SLC25A26: variants seen among roughly 807,000 people sequenced by gnomAD.
SLC25A26 encodes the protein solute carrier family 25 member 26, also known as mitochondrial S-adenosylmethionine carrier protein.
In SLC25A26, 36 loss-of-function variants were observed where a neutral mutation model predicts 37.8. That is an observed-to-expected ratio of 0.95 (90% CI 0.73 to 1.26). SLC25A26 has a LOEUF of 1.26. Ranked by LOEUF, SLC25A26 falls within the 50% of genes most tolerant of loss-of-function variation. The pLI, the probability that SLC25A26 is intolerant of heterozygous loss-of-function variation, is 0.00. For missense variants in SLC25A26, 390 were observed against 331.1 expected (o/e 1.18, Z -1.38); for synonymous variants, 129 against 122.5 (o/e 1.05, Z -0.35).
At chr3:66,308,520 C>G (rs970977521) in intron 5 of SLC25A26, among the ~76,000 whole-genome samples, 1 of 152,176 alleles carries the variant, frequency 6.6e-6, no homozygotes, top group Non-Finnish European at 1.5e-5. Context: ...TTGCCCTGGC[C>G]ATAACTTCCA....
chr3:66,315,172 G>T (rs538483313), intron 5 of SLC25A26, among the ~76,000 whole-genome samples: 1 of 149,588 alleles, frequency 6.7e-6, no homozygotes, highest in African/African-American at 2.5e-5. Flanking sequence ...TAGCTTTGGG[G>T]TTTGTTTACT....
At chr3:66,355,191 T>A (rs909407894) in intron 6 of SLC25A26, among the ~76,000 whole-genome samples, 3 of 152,150 alleles carry the variant, frequency 2.0e-5, no homozygotes, top group Non-Finnish European at 4.4e-5. Context: ...TTGCTTTTGC[T>A]TAAGAATAAT....
chr3:66,309,683 C>G (rs2075322973), intron 5 of SLC25A26, among the ~76,000 whole-genome samples: 1 of 152,154 alleles, frequency 6.6e-6, no homozygotes, highest in Non-Finnish European at 1.5e-5. Context: ...AAATGTGTCC[C>G]AGAGATTCTG....
chr3:66,377,755 C>T lies in SLC25A26; in HGVS notation c.773C>T (p.Ala258Val), dbSNP rs1042694823. Residue 258 changes from alanine to valine, a missense_variant, in exon 10 of 10, where the codon GCT (alanine) becomes GTT (valine). Physicochemically the swap from Ala to Val is moderately conservative, Grantham distance 64. Transcript: ENST00000354883. ...ISLGGFIFLG[A>V]YDRTHSLLLE... ...CTGGGAGGTTTCATCTTTCTGGGGG[C>T]TTATGACCGAACGCACAGCTTGCTG... The T allele has an allele frequency of 1.2e-6, 2 of 1,613,878 alleles. No individual in the cohort carries two copies. Among genetic ancestry groups the T allele is most frequent in the Non-Finnish European group, 1.7e-6 (2 of 1,179,862 alleles).
intron 5 of SLC25A26, among the ~76,000 whole-genome samples, chr3:66,266,996 C>T (rs1168921711): frequency 6.6e-6 from 1 of 152,148 alleles, no homozygotes; most frequent in African/African-American, 2.4e-5. Flanking sequence ...TGTCTTTTGT[C>T]CACAAATTTC....
chr3:66,232,038 T>A (rs2072058120), intron 1 of SLC25A26, among the ~76,000 whole-genome samples: 1 of 152,230 alleles, frequency 6.6e-6, no homozygotes, highest in Non-Finnish European at 1.5e-5. Context: ...TTTTCAATTT[T>A]TTATTATTAC....
intron 5 of SLC25A26, among the ~76,000 whole-genome samples, chr3:66,278,129 A>G (rs2074218178): frequency 6.6e-6 from 1 of 152,162 alleles, no homozygotes; most frequent in Non-Finnish European, 1.5e-5. Context: ...ACTGTAGTTA[A>G]TTTATTAACA....
chr3:66,193,708 C>G (rs1479587381), intron 1 of SLC25A26, among the ~76,000 whole-genome samples: 2 of 151,876 alleles, frequency 1.3e-5, no homozygotes, highest in African/African-American at 2.4e-5. Context: ...CTTTTAGATG[C>G]TTTGCTATTA....
intron 1 of SLC25A26, among the ~76,000 whole-genome samples, chr3:66,137,440 A>G (rs1337606709): frequency 6.6e-6 from 1 of 151,884 alleles, no homozygotes; most frequent in East Asian, 1.9e-4. Context: ...GTTGGCCAAG[A>G]TGGTCTCAAA....
intron 3 of SLC25A26, among the ~76,000 whole-genome samples, chr3:66,259,922 C>T (rs2073454695): frequency 2.0e-5 from 3 of 152,316 alleles, no homozygotes; most frequent in Non-Finnish European, 2.9e-5. Context: ...GCACTTGCTG[C>T]TTTGGTAATA....
At chr3:66,305,531 GTGGTT>G (rs1195724205) in intron 5 of SLC25A26, among the ~76,000 whole-genome samples, 1 of 152,028 alleles carries the variant, frequency 6.6e-6, no homozygotes, top group African/African-American at 2.4e-5. Context: ...ATGTGCTATG[GTGGTT>G]TGCTGCACCT....
chr3:66,285,851 C>G (rs1259713689), intron 5 of SLC25A26, among the ~76,000 whole-genome samples: 2 of 152,116 alleles, frequency 1.3e-5, no homozygotes, highest in African/African-American at 4.8e-5. Context: ...ACCACAGAAA[C>G]AAGCACCCTG....
At chr3:66,356,516 A>G (rs1195959662) in intron 6 of SLC25A26, among the ~76,000 whole-genome samples, 1 of 152,228 alleles carries the variant, frequency 6.6e-6, no homozygotes, top group Non-Finnish European at 1.5e-5. Context: ...AACAATAGTT[A>G]TTATGGTGAA....
intron 1 of SLC25A26, among the ~76,000 whole-genome samples, chr3:66,150,609 T>C (rs1272696931): frequency 1.8e-4 from 2 of 11,046 alleles, no homozygotes; most frequent in Non-Finnish European, 3.3e-4. Context: ...ATGAGATATA[T>C]ATATATATAT....
At chr3:66,310,365 C>T (rs1157981623) in intron 5 of SLC25A26, among the ~76,000 whole-genome samples, 1 of 152,126 alleles carries the variant, frequency 6.6e-6, no homozygotes, top group Non-Finnish European at 1.5e-5. Context: ...AATATTCCTC[C>T]ATCCCTTTAT....
At chr3:66,294,359 G>A (rs1487323346) in intron 5 of SLC25A26, among the ~76,000 whole-genome samples, 3 of 152,052 alleles carry the variant, frequency 2.0e-5, no homozygotes, top group South Asian at 2.1e-4. Context: ...ATTTTTGTAC[G>A]TTGATTTTGT....
rs187936972 is a variant in SLC25A26, at chr3:66,317,943, A to T, written c.454-28421A>T. Among the ~76,000 whole-genome samples the T allele has an allele frequency of 4.8e-3, 726 of 152,204 alleles. 2 individuals carry two copies. Among genetic ancestry groups the T allele is most frequent in the Non-Finnish European group, 7.8e-3 (531 of 68,016 alleles). On this transcript the variant is annotated intron_variant, in intron 5 of 9. Coordinates refer to ENST00000354883, the MANE Select transcript of SLC25A26 (RefSeq NM_001379210.1). The stretch of plus-strand genomic sequence containing the variant: ...TGGGGAGTTGCTTCTGGTCCAAACC[A>T]CCCGGTCTTGCTGGCACTGGTGGCA...
intron 1 of SLC25A26, among the ~76,000 whole-genome samples, chr3:66,188,062 C>T (rs1270747426): frequency 2.0e-5 from 3 of 152,144 alleles, no homozygotes; most frequent in Non-Finnish European, 4.4e-5. Context: ...GACCCTGAGA[C>T]TCAGCTAACA....
intron 1 of SLC25A26, among the ~76,000 whole-genome samples, chr3:66,235,366 C>G (rs782673529): frequency 7.7e-4 from 117 of 152,254 alleles, no homozygotes; most frequent in Non-Finnish European, 1.4e-3. Flanking sequence ...AGAAATTAAT[C>G]AGTTTTTAAA....
Sources: gnomAD v4.1 joint callset for allele counts (sites outside exome capture counted in the v4.1 genomes callset) on GRCh38, gnomAD v4.1.1 for gene constraint, MANE v1.5 for transcripts, NCBI Gene and HGNC (gene_info 2026-07-23, HGNC 2026-07-21) for gene names.